HACE1: variants seen among roughly 807,000 people sequenced by gnomAD.
HACE1 encodes E3 ubiquitin-protein ligase HACE1.
In HACE1, 73 loss-of-function variants were observed where a neutral mutation model predicts 118.4. That is an observed-to-expected ratio of 0.62 (90% CI 0.51 to 0.75). The LOEUF is 0.75. Among genes scored for constraint, HACE1 ranks in the 30% least tolerant of loss-of-function variants. The pLI is 0.00. For missense variants in HACE1, 749 were observed against 1,102.2 expected (o/e 0.68, Z 4.54); for synonymous variants, 368 against 374.8 (o/e 0.98, Z 0.21).
At chr6:104,768,192 G>A (rs1378766837) in intron 19 of HACE1, among the ~76,000 whole-genome samples, 1 of 151,888 alleles carries the variant, frequency 6.6e-6, no homozygotes, top group African/African-American at 2.4e-5. Context: ...TGGGAATAAG[G>A]GACTCCCCCA....
chr6:104,858,538 A>G (rs1224621530), intron 1 of HACE1: 4 of 362,450 alleles, frequency 1.1e-5, no homozygotes, highest in South Asian at 4.2e-5. Flanking sequence ...CATCTCTATA[A>G]AAGAAAGGAA....
At chr6:104,844,390 C>G (rs1775430518) in intron 4 of HACE1, among the ~76,000 whole-genome samples, 1 of 147,626 alleles carries the variant, frequency 6.8e-6, no homozygotes, top group African/African-American at 2.5e-5. Context: ...GTTGCCCAGG[C>G]TGGAGTGCAG....
At chr6:104,758,007 G>A (rs551925439) in intron 19 of HACE1, among the ~76,000 whole-genome samples, 16 of 152,182 alleles carry the variant, frequency 1.1e-4, no homozygotes, top group African/African-American at 3.4e-4. Context: ...AAAAAAGAAT[G>A]AAAAGAAACT....
chr6:104,771,817 C>G (rs543863528), intron 18 of HACE1, 108 bp downstream of exon 18: 2 of 796,314 alleles, frequency 2.5e-6, no homozygotes, highest in South Asian at 3.2e-5. Context: ...GGGCTCCAAT[C>G]AAAATAAAAA....
In HACE1 at chr6:104,811,242, T is replaced by TA. The variant is rs1177876499; in HGVS notation, c.617+68_617+69insT. On this transcript the variant is annotated intron_variant, in intron 7 of 23. Coordinates refer to ENST00000262903, the MANE Select transcript of HACE1 (RefSeq NM_020771.4). ...TCTGGAAATATATATATTTCTTTATTTATACATATATATATATATATATAT... is the reference window on the plus strand; with the variant it reads ...TCTGGAAATATATATATTTCTTTATTATATACATATATATATATATATATAT... 2.3e-3 allele frequency: 444 copies of TA among 192,496 alleles called. 5 individuals carry two copies. The highest frequency in any genetic ancestry group is 5.4e-3 in the African/African-American group (146 of 26,834). The allele number at this position is 192,496 out of a possible 1,614,324, so 11.9% of individuals were successfully genotyped here. A position where few individuals can be genotyped will look rare whatever the true frequency, so the allele number is the denominator to read the frequency against.
intron 3 of HACE1, 121 bp downstream of exon 3, chr6:104,850,786 T>C: frequency 1.3e-6 from 1 of 786,948 alleles, no homozygotes; most frequent in East Asian, 2.5e-5. Context: ...TCAAACAGGA[T>C]AAAGAACTAC....
At chr6:104,745,393 T>G (rs1342212229) in intron 20 of HACE1, among the ~76,000 whole-genome samples, 1 of 151,660 alleles carries the variant, frequency 6.6e-6, no homozygotes, top group Admixed American at 6.6e-5. Context: ...GATGCTTACA[T>G]AGTCAGGGGA....
At chr6:104,772,238 T>C (rs1404744777) in intron 17 of HACE1, among the ~76,000 whole-genome samples, 164 bp from the exon 18 acceptor site, 1 of 152,194 alleles carries the variant, frequency 6.6e-6, no homozygotes, top group Non-Finnish European at 1.5e-5. Flanking sequence ...TAACAAGTGG[T>C]AAGTAGAATT....
Position 104,785,204 on chromosome 6 carries a change from C to T in HACE1, c.1190G>A (p.Gly397Asp). 2.5e-6 allele frequency: 4 copies of T among 1,613,770 alleles called. No homozygotes were observed. The highest frequency in any genetic ancestry group is 2.5e-6 in the Non-Finnish European group (3 of 1,179,754). The change falls in exon 12 of 24, where the codon GGC (glycine) becomes GAC (aspartate). Residue 397 changes from glycine (G) to aspartate (D), a missense_variant. Coordinates refer to ENST00000262903, the MANE Select transcript of HACE1 (RefSeq NM_020771.4). Reference protein sequence around the residue: ...EITSILLKQKGQDQDAASIPP... With the variant: ...EITSILLKQKDQDQDAASIPP... ...AATGGAAGCAGCATCTTGATCTTGG[C>T]CTTTTTGTTTCAGTAAAATAGAAGT...
intron 17 of HACE1, among the ~76,000 whole-genome samples, chr6:104,772,786 T>A (rs1780782331): frequency 6.6e-6 from 1 of 152,178 alleles, no homozygotes. Flanking sequence ...TCCACTTTTA[T>A]AAAATATCTA....
At chr6:104,780,078 A>G (rs566616290) in intron 14 of HACE1, among the ~76,000 whole-genome samples, 1 of 152,314 alleles carries the variant, frequency 6.6e-6, no homozygotes, top group African/African-American at 2.4e-5. Flanking sequence ...ATAAATAGAT[A>G]CTGTTCTTAT....
rs761011792 is a variant in HACE1, at chr6:104,791,591, G to A, written c.987C>T (p.His329=). 8.7e-6 allele frequency: 14 copies of A among 1,610,230 alleles called. No homozygotes were observed. Among genetic ancestry groups the A allele is most frequent in the Middle Eastern group, 1.7e-4 (1 of 6,054 alleles). ...SLLRIVRMFC[H]VFRIGPSSPS... ...GGGAGGATGGACCAATTCGAAAGAC[G>A]TGACAAAACATTCTCACAATCCTTA... Residue 329 remains histidine (H), a synonymous_variant, in exon 11 of 24, where the codon CAC becomes CAT. Transcript: ENST00000262903.
intron 10 of HACE1, among the ~76,000 whole-genome samples, chr6:104,795,129 G>C (rs1783476927): frequency 6.6e-6 from 1 of 152,126 alleles, no homozygotes; most frequent in Admixed American, 6.5e-5. Context: ...AAAACCACAG[G>C]ATCTTTTAGA....
intron 6 of HACE1, among the ~76,000 whole-genome samples, chr6:104,823,600 A>C (rs1334980812): frequency 6.6e-6 from 1 of 152,108 alleles, no homozygotes; most frequent in Non-Finnish European, 1.5e-5. Context: ...CTTGCAGATA[A>C]AATGTTGCTC....
chr6:104,770,932 T>C (rs1406009827), intron 19 of HACE1, among the ~76,000 whole-genome samples: 1 of 152,226 alleles, frequency 6.6e-6, no homozygotes, highest in Admixed American at 6.5e-5. Context: ...TTTCTCAAAA[T>C]GCATATGCCC....
chr6:104,783,648 G>A (rs1781998116), intron 14 of HACE1, among the ~76,000 whole-genome samples: 1 of 152,198 alleles, frequency 6.6e-6, no homozygotes, highest in African/African-American at 2.4e-5. Flanking sequence ...TAGGGGAAAG[G>A]TGGTCAGGTC....
intron 22 of HACE1, among the ~76,000 whole-genome samples, chr6:104,735,547 C>T (rs1023732849): frequency 4.0e-5 from 6 of 151,874 alleles, no homozygotes; most frequent in Non-Finnish European, 7.4e-5. Context: ...AGGAGAATGG[C>T]GTGAACCCAG....
chr6:104,826,770 T>C (rs1773377620), intron 6 of HACE1, among the ~76,000 whole-genome samples: 1 of 152,206 alleles, frequency 6.6e-6, no homozygotes, highest in Non-Finnish European at 1.5e-5. Flanking sequence ...GCTATATGCC[T>C]AAAACTGGAT....
chr6:104,737,916 T>A (rs551873496), intron 22 of HACE1, among the ~76,000 whole-genome samples: 1 of 152,306 alleles, frequency 6.6e-6, no homozygotes, highest in South Asian at 2.1e-4. Context: ...CTCTGCAGAC[T>A]TAAATGTCCC....
Sources: gnomAD v4.1 joint callset for allele counts (sites outside exome capture counted in the v4.1 genomes callset) on GRCh38, gnomAD v4.1.1 for gene constraint, MANE v1.5 for transcripts, NCBI Gene and HGNC (gene_info 2026-07-23, HGNC 2026-07-21) for gene names.